ST6GALNAC1: variants seen among roughly 807,000 people sequenced by gnomAD.
The protein encoded by ST6GALNAC1 is alpha-N-acetylgalactosaminide alpha-2,6-sialyltransferase 1.
In ST6GALNAC1, 45 loss-of-function variants were observed where a neutral mutation model predicts 56.8. That is an observed-to-expected ratio of 0.79 (90% CI 0.62 to 1.02). The LOEUF is 1.02. Ranked by LOEUF, ST6GALNAC1 falls within the 50% of genes least tolerant of loss-of-function variation. The probability of loss-of-function intolerance (pLI) is 0.00; values close to 1 mark genes in which losing one functional copy is unlikely to be tolerated. For synonymous variants in ST6GALNAC1, 295 were observed against 297.8 expected (o/e 0.99, Z 0.10); for missense variants, 743 against 754.8 (o/e 0.98, Z 0.18).
chr17:76,629,786 T>TG (rs1567956423), intron 1 of ST6GALNAC1, 75 bp from the exon 2 acceptor site: 2 of 1,037,874 alleles, frequency 1.9e-6, no homozygotes, highest in African/African-American at 3.4e-5. Context: ...GTTTTTTGTT[T>TG]TTTTTTTTTT....
At position 76,627,095 on chromosome 17, in the gene ST6GALNAC1, C is replaced by T. The variant is rs748404010; in HGVS notation, c.1144G>A (p.Glu382Lys). Residue 382 changes from glutamate to lysine, a missense_variant, in exon 4 of 9, where the codon GAG (glutamate) becomes AAG (lysine). Physicochemically the swap from Glu to Lys is moderately conservative, Grantham distance 56. Transcript: ENST00000156626. This position sits in a 1 kb window ranked among gnomAD's most constrained non-coding sequence, Gnocchi z 4.4. The stretch of plus-strand genomic sequence containing the variant: ...AACACGTAGTCGTGACTGTCTATCT[C>T]CTGGCCCATGTGGGAGTTGTTCAGG... ...GILNNSHMGQ[E>K]IDSHDYVFRL... 3.1e-4 allele frequency: 492 copies of T among 1,572,454 alleles called. No homozygotes were observed. Among genetic ancestry groups the T allele is most frequent in the Non-Finnish European group, 4.1e-4 (472 of 1,159,794 alleles).
intron 1 of ST6GALNAC1, among the ~76,000 whole-genome samples, chr17:76,631,264 T>C (rs904465307): frequency 3.3e-5 from 5 of 152,162 alleles, no homozygotes; most frequent in Non-Finnish European, 5.9e-5. Flanking sequence ...CATTTTTAAC[T>C]GGACTTGCAT....
At chr17:76,642,219 C>CCTATCTATCTATCTAT (rs10693413) in intron 1 of ST6GALNAC1, among the ~76,000 whole-genome samples, 5,346 of 150,154 alleles carry the variant, frequency 0.036, 125 homozygotes, top group South Asian at 0.09. Flanking sequence ...TCTCTATCTG[C>CCTATCTATCTATCTAT]CTATCTATCT....
At chr17:76,639,989 GT>G (rs1378796193) in intron 1 of ST6GALNAC1, among the ~76,000 whole-genome samples, 1 of 152,110 alleles carries the variant, frequency 6.6e-6, no homozygotes, top group Non-Finnish European at 1.5e-5. Context: ...TCTGTCTGAT[GT>G]TGGGGGCCCC....
chr17:76,632,740 G>A (rs908060528), intron 1 of ST6GALNAC1, among the ~76,000 whole-genome samples: 3 of 152,088 alleles, frequency 2.0e-5, no homozygotes, highest in Non-Finnish European at 2.9e-5. Flanking sequence ...GGCCCTGTGT[G>A]GTCCTGACCC....
At chr17:76,621,943 C>T (rs377121213), downstream of ST6GALNAC1, among the ~76,000 whole-genome samples, 28 of 138,012 alleles carry the variant, frequency 2.0e-4, no homozygotes, top group East Asian at 6.2e-4. Flanking sequence ...TCTTTCTTTT[C>T]TTTTTTTTTT....
At chr17:76,632,872 C>A (rs1320032275) in intron 1 of ST6GALNAC1, among the ~76,000 whole-genome samples, 1 of 152,148 alleles carries the variant, frequency 6.6e-6, no homozygotes, top group South Asian at 2.1e-4. Flanking sequence ...TAATTCTGAT[C>A]TACTAGGGAA....
At chr17:76,641,631 C>A (rs192725886) in intron 1 of ST6GALNAC1, among the ~76,000 whole-genome samples, 81 of 152,294 alleles carry the variant, frequency 5.3e-4, no homozygotes, top group Admixed American at 1.8e-3. Flanking sequence ...AGTAAACTTG[C>A]ACCTGTCAGT....
chr17:76,638,808 T>C (rs1000030302), intron 1 of ST6GALNAC1, among the ~76,000 whole-genome samples: 4 of 152,176 alleles, frequency 2.6e-5, no homozygotes, highest in Non-Finnish European at 5.9e-5. Context: ...CTCGAACTCC[T>C]GACCTCAGGT....
chr17:76,627,966 G>C lies in ST6GALNAC1; in HGVS notation c.832-383C>G, dbSNP rs887597637. Among the ~76,000 whole-genome samples, 1 of 151,996 alleles carries C rather than the reference G, an allele frequency of 6.6e-6. No homozygotes were observed. The highest frequency in any genetic ancestry group is 1.5e-5 in the Non-Finnish European group (1 of 67,976). ...CAAAAAATTAGCCGGGCGTGGTGGC[G>C]GGCGCCTGTAGTTCCAGCTACTCGG... On this transcript the variant is annotated intron_variant, in intron 2 of 8. Transcript: ENST00000156626. This position sits in a 1 kb window ranked among gnomAD's most constrained non-coding sequence, Gnocchi z 4.4.
chr17:76,630,608 C>T lies in ST6GALNAC1; in HGVS notation c.132-897G>A, dbSNP rs1219656924. ...CTTCTTTTTTTTTTTTTTTTTGAGA[C>T]GGAGTCTGGCTCTGTCACCCAAGCT... On this transcript the variant is annotated intron_variant, in intron 1 of 8. Coordinates refer to ENST00000156626, the MANE Select transcript of ST6GALNAC1 (RefSeq NM_018414.5). 1.2e-4 allele frequency among the ~76,000 whole-genome samples: 18 copies of T among 144,762 alleles called. 1 individual carries two copies. In the South Asian group the frequency reaches 3.5e-3, roughly 28 times the overall value. 95.0% of individuals were successfully genotyped at this position (144,762 alleles called of 152,430 possible). A position where few individuals can be genotyped will look rare whatever the true frequency, so the allele number is the denominator to read the frequency against.
intron 1 of ST6GALNAC1, among the ~76,000 whole-genome samples, chr17:76,632,114 C>A (rs934685315): frequency 1.3e-5 from 2 of 152,090 alleles, no homozygotes; most frequent in Admixed American, 1.3e-4. Flanking sequence ...TAACAAACAG[C>A]TCTTGTTACC....
intron 1 of ST6GALNAC1, among the ~76,000 whole-genome samples, chr17:76,640,916 G>A (rs761734700): frequency 3.3e-5 from 5 of 152,172 alleles, no homozygotes; most frequent in Admixed American, 1.3e-4. Context: ...AAACTCAGAT[G>A]TATGTAAAAA....
downstream of ST6GALNAC1, among the ~76,000 whole-genome samples, chr17:76,620,662 G>A (rs561189596): frequency 8.6e-5 from 13 of 151,240 alleles, no homozygotes; most frequent in African/African-American, 1.5e-4. Flanking sequence ...TGCAACCTCC[G>A]TCTCCCAGGT....
At chr17:76,622,329 A>G (rs2075749984), downstream of ST6GALNAC1, among the ~76,000 whole-genome samples, 1 of 149,336 alleles carries the variant, frequency 6.7e-6, no homozygotes, top group Non-Finnish European at 1.5e-5. Context: ...TTGTCTTTTG[A>G]CCTCCTGGTG....
At position 76,626,059 on chromosome 17, in the gene ST6GALNAC1, G is replaced by A; in HGVS notation, c.1452C>T (p.His484=). ...GGTGCAGCAACAGGTACCTGTCCAT[G>A]TGCAGGGCTTCCCGAAAAGCTTCCT... ...RPQEAFREAL[H]MDRYLLLHPD... is the part of the protein sequence containing the mutation. The change falls in exon 7 of 9, where the codon CAC becomes CAT. Residue 484 remains histidine, a synonymous_variant. Coordinates refer to ENST00000156626, the MANE Select transcript of ST6GALNAC1 (RefSeq NM_018414.5). The A allele has an allele frequency of 6.2e-7, 1 of 1,614,208 alleles. No homozygotes were observed. The highest frequency in any genetic ancestry group is 8.5e-7 in the Non-Finnish European group (1 of 1,180,034).
chr17:76,629,666 C>T lies in ST6GALNAC1; in HGVS notation c.177G>A (p.Leu59=), dbSNP rs1196774569. 8 of 1,613,572 alleles carry T rather than the reference C, an allele frequency of 5.0e-6. No individual in the cohort carries two copies. The highest frequency in any genetic ancestry group is 5.9e-6 in the Non-Finnish European group (7 of 1,179,796). ...ENIKERSLQS[L]AKPKSQAPTR... ...TGGGTGCCTGGGACTTAGGCTTTGC[C>T]AGGGACTGTAGAGACCTTTCTTTAA... Residue 59 remains leucine (L), a synonymous_variant, in exon 2 of 9, where the codon CTG becomes CTA. Coordinates refer to ENST00000156626, the MANE Select transcript of ST6GALNAC1 (RefSeq NM_018414.5).
At position 76,643,548 on chromosome 17, in the gene ST6GALNAC1, A is replaced by G; in HGVS notation, c.91T>C (p.Leu31=). Reference sequence around the variant, plus strand: ...TGAGGCTCCTTAATAAAAGAGGGCAAGGCGAAGAGAAAGAAGACCAGGACA... The same window carrying G: ...TGAGGCTCCTTAATAAAAGAGGGCAGGGCGAAGAGAAAGAAGACCAGGACA... ...LAVLVFFLFA[L]PSFIKEPQTK... Residue 31 remains leucine, a synonymous_variant, in exon 1 of 9, where the codon TTG becomes CTG. Transcript: ENST00000156626. The G allele has an allele frequency of 6.2e-7, 1 of 1,614,162 alleles. No individual in the cohort carries two copies. The highest frequency in any genetic ancestry group is 8.5e-7 in the Non-Finnish European group (1 of 1,179,986).
rs779295397 is a variant in ST6GALNAC1, at chr17:76,629,569, G to T, written c.274C>A (p.Pro92Thr). ...CTGTCTCCGGTGGTGTGGGCCTTGG[G>T]CTGGGTTTGTGTGTTGAGGGCATTG... The part of the protein sequence containing the change: ...ENNALNTQTQ[P>T]KAHTTGDRGK... The change falls in exon 2 of 9, where the codon CCC becomes ACC. Residue 92 changes from proline to threonine, a missense_variant. By Grantham distance (38) the Pro-to-Thr change is conservative (BLOSUM62 -1). Transcript: ENST00000156626. 1.2e-6 allele frequency: 2 copies of T among 1,613,924 alleles called. No homozygotes were observed. Among genetic ancestry groups the T allele is most frequent in the East Asian group, 4.5e-5 (2 of 44,864 alleles).
Sources: allele counts gnomAD v4.1 joint callset (sites outside exome capture counted in the v4.1 genomes callset), GRCh38; gene constraint gnomAD v4.1.1; non-coding constraint Gnocchi (gnomAD v3.1); transcripts MANE v1.5; gene names NCBI Gene and HGNC (gene_info 2026-07-23, HGNC 2026-07-21).